Variants in WDHD1 observed in about 807,000 individuals in gnomAD.
WDHD1 encodes the protein WD repeat and HMG-box DNA-binding protein 1.
A neutral mutation model predicts 135.4 loss-of-function variants in WDHD1; 111 were observed. The ratio of observed to expected loss-of-function variants is 0.82; its 90% CI spans 0.70 to 0.96. The LOEUF (loss-of-function observed/expected upper bound fraction) is 0.96. WDHD1 is among the 40% of genes least tolerant of loss of function. The pLI, the probability that WDHD1 is intolerant of heterozygous loss-of-function variation, is 0.00. For missense variants in WDHD1, 1,351 were observed against 1,336.3 expected (o/e 1.01, Z -0.17); for synonymous variants, 434 against 439.0 (o/e 0.99, Z 0.14).
intron 2 of WDHD1, among the ~76,000 whole-genome samples, chr14:55,015,400 A>C (rs2042243685): frequency 6.6e-6 from 1 of 151,060 alleles, no homozygotes; most frequent in South Asian, 2.1e-4. Context: ...AAAAAAAAAA[A>C]AAAAAGGCTA....
Position 55,027,024 on chromosome 14 carries a change from T to C in WDHD1, c.-17+4A>G. 1.9e-6 allele frequency: 1 copy of C among 519,154 alleles called. No individual in the cohort carries two copies. The highest frequency in any genetic ancestry group is 3.5e-6 in the Non-Finnish European group (1 of 287,566). The allele number at this position is 519,154 out of a possible 1,614,324, so 32.2% of individuals were successfully genotyped here. On this transcript the variant is annotated splice_donor_region_variant and intron_variant, in intron 1 of 25. Coordinates refer to ENST00000360586, the MANE Select transcript of WDHD1 (RefSeq NM_007086.4). ...GGACGCGGGCAGCCGGAGTGGGGAC[T>C]CACCCGGGTGACCGAGCCTCCGCCA...
intron 4 of WDHD1, among the ~76,000 whole-genome samples, chr14:55,009,570 T>G (rs1443821061): frequency 6.6e-6 from 1 of 152,030 alleles, no homozygotes; most frequent in African/African-American, 2.4e-5. Context: ...TAGCCGGGAT[T>G]ATAGGCACCC....
intron 16 of WDHD1, among the ~76,000 whole-genome samples, chr14:54,977,608 T>A (rs1377889118): frequency 6.6e-6 from 1 of 152,170 alleles, no homozygotes; most frequent in East Asian, 1.9e-4. Flanking sequence ...GCATGAACTG[T>A]TCAACATTTA....
chr14:54,943,771 A>G (rs1260165333), intron 25 of WDHD1, among the ~76,000 whole-genome samples: 6 of 152,128 alleles, frequency 3.9e-5, no homozygotes, highest in Non-Finnish European at 5.9e-5. Flanking sequence ...AGGAACTTAT[A>G]GAGATTAAAA....
At chr14:54,948,888 CAG>C (rs778206997) in intron 24 of WDHD1, among the ~76,000 whole-genome samples, 4 of 152,208 alleles carry the variant, frequency 2.6e-5, no homozygotes, top group Admixed American at 6.5e-5. Context: ...GATACCCAGG[CAG>C]AGTCTGGAGT....
chr14:54,988,098 C>G (rs2041722416), intron 13 of WDHD1, among the ~76,000 whole-genome samples: 1 of 152,126 alleles, frequency 6.6e-6, no homozygotes, highest in Non-Finnish European at 1.5e-5. Flanking sequence ...CATTGCTTTC[C>G]CATCATAATT....
In WDHD1 at chr14:54,995,820, CAAATT is replaced by C. The variant is rs2041869611; in HGVS notation, c.943-12_943-8del. On this transcript the variant is annotated splice_polypyrimidine_tract_variant and splice_region_variant and intron_variant, in intron 10 of 25. Coordinates refer to ENST00000360586, the MANE Select transcript of WDHD1 (RefSeq NM_007086.4). Reference sequence around the variant, plus strand: ...TTTCCACTCTGCTAGATACCTTGAACAAATTAATACAAATTATAAAGTAAAAGTGA... The same window carrying C: ...TTTCCACTCTGCTAGATACCTTGAACAATACAAATTATAAAGTAAAAGTGA... 1 of 1,502,672 alleles carries C rather than the reference CAAATT, an allele frequency of 6.7e-7. No individual in the cohort carries two copies. The highest frequency in any genetic ancestry group is 1.4e-5 in the African/African-American group (1 of 71,326). The allele number at this position is 1,502,672 out of a possible 1,614,324, so 93.1% of individuals were successfully genotyped here.
intron 11 of WDHD1, 50 bp downstream of exon 11, chr14:54,995,553 C>A: frequency 1.4e-6 from 2 of 1,407,378 alleles, no homozygotes; most frequent in Non-Finnish European, 1.9e-6. Context: ...AATAAAAAAT[C>A]TAAAATATTA....
chr14:55,001,608 AG>A (rs2041982055), intron 8 of WDHD1, among the ~76,000 whole-genome samples: 1 of 152,222 alleles, frequency 6.6e-6, no homozygotes, highest in Non-Finnish European at 1.5e-5. Flanking sequence ...TTATTATCCT[AG>A]AAAGAGAGAC....
intron 3 of WDHD1, among the ~76,000 whole-genome samples, chr14:55,011,870 C>G (rs781124051): frequency 2.0e-5 from 3 of 151,932 alleles, no homozygotes; most frequent in South Asian, 2.1e-4. Context: ...ATTGAAAGAC[C>G]CTTCAATTGT....
chr14:54,978,982 C>G (rs1306003667), intron 16 of WDHD1, among the ~76,000 whole-genome samples: 1 of 151,194 alleles, frequency 6.6e-6, no homozygotes, highest in African/African-American at 2.4e-5. Flanking sequence ...ACTTTTTTTT[C>G]TTTTTTCATT....
chr14:55,021,577 G>C (rs1004125252), intron 2 of WDHD1, among the ~76,000 whole-genome samples: 1 of 151,960 alleles, frequency 6.6e-6, no homozygotes, highest in Non-Finnish European at 1.5e-5. Context: ...TAGAGACCGG[G>C]GTCTCATCAT....
intron 24 of WDHD1, among the ~76,000 whole-genome samples, chr14:54,954,091 T>G (rs1230899719): frequency 1.3e-5 from 2 of 151,076 alleles, no homozygotes; most frequent in African/African-American, 4.9e-5. Context: ...TGTGCACATG[T>G]ACCCTAGAGC....
At position 54,995,677 on chromosome 14, in the gene WDHD1, T is replaced by A. The variant is rs765794949; in HGVS notation, c.1079A>T (p.Asp360Val). ...ACCTGAAGCCATCATGAGGTCTTCA[T>A]CATCCTCATCATCATTTATAATCCC... ...SKGIINDDED[D>V]EDLMMASGRP... Residue 360 changes from aspartate (D) to valine (V), a missense_variant, in exon 11 of 26, where the codon GAT (aspartate) becomes GTT (valine). This residue lies in a region of WDHD1 where 1,330 missense variants were observed against 1,296.1 expected (regional missense o/e 1.03). Transcript: ENST00000360586. The A allele has an allele frequency of 6.2e-7, 1 of 1,613,828 alleles. No homozygotes were observed. The highest frequency in any genetic ancestry group is 8.5e-7 in the Non-Finnish European group (1 of 1,179,884).
chr14:54,995,768 C>CATTATAATGATGA lies in WDHD1; in HGVS notation c.987_988insTCATCATTATAAT (p.Asp330SerfsTer4). 1 of 1,611,964 alleles carries CATTATAATGATGA rather than the reference C, an allele frequency of 6.2e-7. No individual in the cohort carries two copies. Among genetic ancestry groups the CATTATAATGATGA allele is most frequent in the Non-Finnish European group, 8.5e-7 (1 of 1,179,116 alleles). On this transcript the variant is annotated stop_gained and frameshift_variant, in exon 11 of 26. Transcript: ENST00000360586. LOFTEE classifies it high-confidence loss of function. ...AAATCACCAGCATTACTCATATCAT[C>CATTATAATGATGA]TCCATCAAAAAGATCATTATAATCC...
At chr14:54,982,512 C>G (rs1474285971) in intron 15 of WDHD1, among the ~76,000 whole-genome samples, 3 of 152,194 alleles carry the variant, frequency 2.0e-5, no homozygotes, top group East Asian at 3.9e-4. Context: ...ATTCTTACCT[C>G]GTAAAACAGG....
chr14:54,944,345 G>C lies in WDHD1; in HGVS notation c.3176C>G (p.Thr1059Ser). 6.2e-7 allele frequency: 1 copy of C among 1,603,090 alleles called. No homozygotes were observed. The highest frequency in any genetic ancestry group is 8.5e-7 in the Non-Finnish European group (1 of 1,177,620). Residue 1059 changes from threonine (T) to serine (S), a missense_variant, in exon 25 of 26, where the codon ACT becomes AGT. This residue lies in a region of WDHD1 where 1,330 missense variants were observed against 1,296.1 expected (regional missense o/e 1.03). Coordinates refer to ENST00000360586, the MANE Select transcript of WDHD1 (RefSeq NM_007086.4). ...AATTATCCTTACCTTTCTTTCTTCA[G>C]TTGACAATACTCTAAATCGAATCAT... ...EGMIRFRVLS[T>S]EERKVWANKA...
At chr14:54,974,851 G>A (rs560124773) in intron 16 of WDHD1, among the ~76,000 whole-genome samples, 2 of 152,182 alleles carry the variant, frequency 1.3e-5, no homozygotes, top group Admixed American at 1.3e-4. Context: ...ATGCCAAACT[G>A]GAGAAAACTA....
intron 2 of WDHD1, among the ~76,000 whole-genome samples, chr14:55,015,844 G>A (rs922220356): frequency 5.9e-5 from 9 of 152,082 alleles, no homozygotes; most frequent in Admixed American, 3.3e-4. Flanking sequence ...GACTGCAGGC[G>A]TGCGCCACCA....
Sources: allele counts gnomAD v4.1 joint callset (sites outside exome capture counted in the v4.1 genomes callset), GRCh38; gene constraint gnomAD v4.1.1; regional missense constraint gnomAD v4.1.1; transcripts MANE v1.5; gene names NCBI Gene and HGNC (gene_info 2026-07-23, HGNC 2026-07-21).